PTPRD: variants seen among roughly 807,000 people sequenced by gnomAD.
PTPRD encodes protein tyrosine phosphatase receptor type D, also known as receptor-type tyrosine-protein phosphatase delta.
PTPRD carries 34 observed loss-of-function variants against 214.5 expected under a neutral mutation model. That is an observed-to-expected ratio of 0.16 (90% CI 0.12 to 0.21). The LOEUF (loss-of-function observed/expected upper bound fraction) is 0.21. PTPRD is among the 10% of genes least tolerant of loss of function. The pLI is 1.00. For missense variants in PTPRD, 2,545 were observed against 2,398.7 expected (o/e 1.06, Z -1.27); for synonymous variants, 1,128 against 845.7 (o/e 1.33, Z -5.79).
At chr9:9,418,937 A>T (rs747226389) in intron 8 of PTPRD, among the ~76,000 whole-genome samples, 11 of 151,902 alleles carry the variant, frequency 7.2e-5, no homozygotes, top group Non-Finnish European at 1.3e-4. Flanking sequence ...AGTTTGTTTT[A>T]ATAAGCAGAA....
chr9:10,205,537 C>T (rs1048428636), intron 3 of PTPRD, among the ~76,000 whole-genome samples: 1 of 152,046 alleles, frequency 6.6e-6, no homozygotes, highest in African/African-American at 2.4e-5. Flanking sequence ...TCTGAAGTAG[C>T]TGAGATTACA....
chr9:9,298,934 G>A (rs1359145315), intron 9 of PTPRD, among the ~76,000 whole-genome samples: 4 of 151,730 alleles, frequency 2.6e-5, no homozygotes, highest in African/African-American at 9.7e-5. Flanking sequence ...GAAATAAAAG[G>A]AGTCTATTTT....
intron 10 of PTPRD, among the ~76,000 whole-genome samples, chr9:9,166,592 C>G (rs2099904607): frequency 6.6e-6 from 1 of 152,166 alleles, no homozygotes; most frequent in Non-Finnish European, 1.5e-5. Context: ...CTAATCAGCC[C>G]TCTCCTCTGC....
chr9:9,590,992 G>C (rs1342859554), intron 7 of PTPRD, among the ~76,000 whole-genome samples: 1 of 152,010 alleles, frequency 6.6e-6, no homozygotes, highest in Non-Finnish European at 1.5e-5. Context: ...AATGCCTTCT[G>C]TGGTAAGCAG....
chr9:10,384,751 A>G (rs558049882), intron 2 of PTPRD, among the ~76,000 whole-genome samples: 20 of 135,280 alleles, frequency 1.5e-4, no homozygotes, highest in African/African-American at 5.6e-4. Context: ...TGAAAAAAGG[A>G]TAATCTCTAA....
At chr9:9,809,344 T>C (rs1031762562) in intron 5 of PTPRD, among the ~76,000 whole-genome samples, 2 of 148,276 alleles carry the variant, frequency 1.3e-5, no homozygotes, top group African/African-American at 5.0e-5. Context: ...CTCGGCTCAC[T>C]GCAAGTTCCA....
chr9:8,374,489 CT>C (rs577029866), intron 39 of PTPRD, among the ~76,000 whole-genome samples: 18 of 152,000 alleles, frequency 1.2e-4, no homozygotes, highest in Non-Finnish European at 2.5e-4. Flanking sequence ...ATGCAGAAAA[CT>C]GCAACTGGAG....
Position 9,677,805 on chromosome 9 carries a change from T to C in PTPRD, c.-287+56728A>G, listed in dbSNP as rs143508085. On this transcript the variant is annotated intron_variant, in intron 7 of 45. Coordinates refer to ENST00000381196, the MANE Select transcript of PTPRD (RefSeq NM_002839.4). ...TCCCTGTTTGCAGATGACATGATTG[T>C]ATATCTAGAAAACCCTATCATCTCA... Among the ~76,000 whole-genome samples, 343 of 152,202 alleles carry C rather than the reference T, an allele frequency of 2.3e-3. 1 individual carries two copies. The highest frequency in any genetic ancestry group is 7.8e-3 in the African/African-American group (326 of 41,532).
intron 11 of PTPRD, among the ~76,000 whole-genome samples, chr9:8,830,888 T>A (rs1437296941): frequency 2.0e-5 from 3 of 152,182 alleles, no homozygotes; most frequent in Admixed American, 6.5e-5. Context: ...TTCAATTGAT[T>A]AATTATTAGT....
intron 7 of PTPRD, among the ~76,000 whole-genome samples, chr9:9,575,579 C>G (rs1407407710): frequency 6.6e-6 from 1 of 150,792 alleles, no homozygotes; most frequent in African/African-American, 2.4e-5. Flanking sequence ...TATTAGCCAC[C>G]TGTGGTGGTG....
intron 11 of PTPRD, among the ~76,000 whole-genome samples, chr9:8,777,161 T>C (rs1388647172): frequency 1.3e-5 from 2 of 151,732 alleles, no homozygotes; most frequent in Non-Finnish European, 2.9e-5. Flanking sequence ...TGTTGTTTTT[T>C]AGAGATGGGG....
chr9:10,200,357 T>TTTTTTTA (rs1300778527), intron 3 of PTPRD, among the ~76,000 whole-genome samples: 1 of 152,040 alleles, frequency 6.6e-6, no homozygotes, highest in African/African-American at 2.4e-5. Flanking sequence ...ATGTGCAGAC[T>TTTTTTTA]TTTTTTATTG....
In PTPRD at chr9:10,062,854, T is replaced by G. The variant is rs372991340; in HGVS notation, c.-544-29064A>C. On this transcript the variant is annotated intron_variant, in intron 3 of 45. Coordinates refer to ENST00000381196, the MANE Select transcript of PTPRD (RefSeq NM_002839.4). ...GTCATGCCAGCTCAACATACTAATT[T>G]TAAGCCTGTGACTCAGTCTTGCTCC... 5.9e-5 allele frequency among the ~76,000 whole-genome samples: 9 copies of G among 152,134 alleles called. No homozygotes were observed. In the East Asian group the frequency reaches 9.7e-4, roughly 16 times the overall value.
At chr9:9,717,300 G>C (rs568303469) in intron 7 of PTPRD, among the ~76,000 whole-genome samples, 85 of 152,282 alleles carry the variant, frequency 5.6e-4, no homozygotes, top group African/African-American at 1.6e-3. Context: ...CTCCAGCTTT[G>C]TTCTTTTCAC....
At position 9,222,934 on chromosome 9, in the gene PTPRD, A is replaced by G. The variant is rs565987207; in HGVS notation, c.-202-39571T>C. On this transcript the variant is annotated intron_variant, in intron 9 of 45. Coordinates refer to ENST00000381196, the MANE Select transcript of PTPRD (RefSeq NM_002839.4). ...AAAAAACAATGCAGATTAATAATGG[A>G]TGACTTGCATAATTATTAGCTAAAC... 3.9e-5 allele frequency among the ~76,000 whole-genome samples: 6 copies of G among 152,204 alleles called. No individual in the cohort carries two copies. In the East Asian group the frequency reaches 1.2e-3, roughly 29 times the overall value.
At chr9:8,597,977 T>C (rs746420838) in intron 14 of PTPRD, among the ~76,000 whole-genome samples, 8 of 152,202 alleles carry the variant, frequency 5.3e-5, no homozygotes, top group Non-Finnish European at 8.8e-5. Context: ...AATAACTTTT[T>C]ATGCCATCTA....
intron 14 of PTPRD, among the ~76,000 whole-genome samples, chr9:8,621,847 T>C (rs2154301355): frequency 6.6e-6 from 1 of 152,052 alleles, no homozygotes; most frequent in African/African-American, 2.4e-5. Context: ...TACAGGGCTC[T>C]AATCCAAGTT....
chr9:8,396,774 T>C (rs922457795), intron 36 of PTPRD, among the ~76,000 whole-genome samples: 10 of 152,184 alleles, frequency 6.6e-5, no homozygotes, highest in African/African-American at 1.9e-4. Context: ...AGATGCCATT[T>C]ACACAGCTCT....
At chr9:10,542,438 C>G (rs1044412105) in intron 2 of PTPRD, among the ~76,000 whole-genome samples, 2 of 152,148 alleles carry the variant, frequency 1.3e-5, no homozygotes, top group Non-Finnish European at 2.9e-5. Flanking sequence ...TGGTCATTCT[C>G]AACCATGACC....
Sources: allele counts gnomAD v4.1 joint callset (sites outside exome capture counted in the v4.1 genomes callset), GRCh38; gene constraint gnomAD v4.1.1; transcripts MANE v1.5; gene names NCBI Gene and HGNC (gene_info 2026-07-23, HGNC 2026-07-21).